The following DSCAML1 variants were observed in gnomAD, a reference collection of about 807,000 sequenced individuals.
DSCAML1 encodes the protein DS cell adhesion molecule like 1, also known as cell adhesion molecule DSCAML1.
A neutral mutation model predicts 200.5 loss-of-function variants in DSCAML1; 38 were observed. The ratio of observed to expected loss-of-function variants is 0.19; its 90% CI spans 0.15 to 0.25. DSCAML1 has a LOEUF of 0.25. Ranked by LOEUF, DSCAML1 falls within the 10% of genes least tolerant of loss-of-function variation. DSCAML1 has a pLI of 1.00. For synonymous variants in DSCAML1, 1,215 were observed against 1,165.0 expected (o/e 1.04, Z -0.87); for missense variants, 2,223 against 2,858.8 (o/e 0.78, Z 5.07).
chr11:117,774,036 G>C (rs73587443), intron 3 of DSCAML1, among the ~76,000 whole-genome samples: 2,185 of 152,288 alleles, frequency 0.014, 45 homozygotes, highest in African/African-American at 0.049. Context: ...GGGGCCGCCT[G>C]GGGGAAGCTC....
Position 117,680,144 on chromosome 11 carries a change from T to A in DSCAML1, c.511+96647A>T, listed in dbSNP as rs77702842. On this transcript the variant is annotated intron_variant, in intron 3 of 32. Coordinates refer to ENST00000651296, the MANE Select transcript of DSCAML1 (RefSeq NM_020693.4). ...GATCTCTAGAGTTCCAGCCTAGCTC[T>A]GCCATCCAGGTTCCTTTCTCTTGCT... 3.3e-3 allele frequency among the ~76,000 whole-genome samples: 503 copies of A among 152,356 alleles called. 2 individuals carry two copies. The highest frequency in any genetic ancestry group is 0.011 in the African/African-American group (444 of 41,582).
At chr11:117,507,445 C>T (rs183771721) in intron 8 of DSCAML1, among the ~76,000 whole-genome samples, 2 of 152,324 alleles carry the variant, frequency 1.3e-5, no homozygotes, top group African/African-American at 4.8e-5. Context: ...AAGGGAGCTG[C>T]CTGCAGGGAG....
At chr11:117,458,008 G>C (rs2048406325) in intron 19 of DSCAML1, among the ~76,000 whole-genome samples, 1 of 152,228 alleles carries the variant, frequency 6.6e-6, no homozygotes, top group Admixed American at 6.5e-5. Flanking sequence ...GTACTGGGAG[G>C]GGAAGAAAGT....
At chr11:117,649,079 G>C (rs1181028388) in intron 3 of DSCAML1, among the ~76,000 whole-genome samples, 1 of 148,878 alleles carries the variant, frequency 6.7e-6, no homozygotes, top group Non-Finnish European at 1.5e-5. Context: ...GTGTGTGTGT[G>C]TGTGTGTGTA....
intron 1 of DSCAML1, among the ~76,000 whole-genome samples, chr11:117,806,230 G>T (rs535336179): frequency 6.6e-6 from 1 of 152,346 alleles, no homozygotes; most frequent in African/African-American, 2.4e-5. Flanking sequence ...TCAGAGAAAG[G>T]AGTGGTCAGT....
At chr11:117,499,606 C>T (rs1033791619) in intron 11 of DSCAML1, among the ~76,000 whole-genome samples, 8 of 152,196 alleles carry the variant, frequency 5.3e-5, no homozygotes, top group African/African-American at 1.4e-4. Flanking sequence ...TAATCTCTGA[C>T]GTTCTGAGAG....
intron 11 of DSCAML1, among the ~76,000 whole-genome samples, chr11:117,491,732 C>T (rs920840564): frequency 3.9e-5 from 6 of 152,186 alleles, no homozygotes; most frequent in Non-Finnish European, 7.3e-5. Flanking sequence ...TGAGGTTGCA[C>T]CACTGCACTC....
At chr11:117,690,008 G>A (rs2053469031) in intron 3 of DSCAML1, among the ~76,000 whole-genome samples, 1 of 152,154 alleles carries the variant, frequency 6.6e-6, no homozygotes. Flanking sequence ...AGGTGTTCTT[G>A]TCCTCTCATC....
chr11:117,668,440 A>G (rs547268345), intron 3 of DSCAML1: 36 of 152,282 alleles, frequency 2.4e-4, no homozygotes, highest in African/African-American at 8.4e-4. Context: ...CGGCATGAGG[A>G]TATGTAAAGG....
intron 3 of DSCAML1, among the ~76,000 whole-genome samples, chr11:117,627,565 C>T (rs1053399248): frequency 1.3e-5 from 2 of 152,168 alleles, no homozygotes; most frequent in Admixed American, 6.5e-5. Context: ...AGTGCCTGGG[C>T]CCCTGCTCTC....
At chr11:117,695,046 T>A (rs1040482304) in intron 3 of DSCAML1, among the ~76,000 whole-genome samples, 1 of 151,998 alleles carries the variant, frequency 6.6e-6, no homozygotes, top group African/African-American at 2.4e-5. Context: ...TTGGCAGCCG[T>A]ATGGTGGATG....
At chr11:117,520,993 G>A (rs1337703585) in intron 6 of DSCAML1, 137 bp downstream of exon 6, 2 of 1,171,300 alleles carry the variant, frequency 1.7e-6, no homozygotes, top group Non-Finnish European at 1.2e-6. Flanking sequence ...GGGCCCTTAG[G>A]GTGAGATGGT....
At chr11:117,448,650 A>G (rs1415361669) in intron 20 of DSCAML1, among the ~76,000 whole-genome samples, 1 of 130,770 alleles carries the variant, frequency 7.6e-6, no homozygotes, top group African/African-American at 2.9e-5. Flanking sequence ...GGGGGTGGGT[A>G]GAGTTGGGGG....
At chr11:117,714,965 A>G (rs991780906) in intron 3 of DSCAML1, among the ~76,000 whole-genome samples, 11 of 151,606 alleles carry the variant, frequency 7.3e-5, no homozygotes, top group Non-Finnish European at 1.2e-4. Context: ...CTTGGTGCCT[A>G]CTCTGCCATC....
At chr11:117,584,104 G>A (rs1288071893) in intron 3 of DSCAML1, among the ~76,000 whole-genome samples, 1 of 151,874 alleles carries the variant, frequency 6.6e-6, no homozygotes, top group Non-Finnish European at 1.5e-5. Flanking sequence ...GGATCCTCGG[G>A]GAACTAAGAA....
At chr11:117,797,363 C>A (rs1681693530), upstream of DSCAML1, 2 of 1,065,736 alleles carry the variant, frequency 1.9e-6, no homozygotes, top group African/African-American at 1.7e-5. Context: ...GCCCCACAAG[C>A]CCAGGAACAG....
At chr11:117,562,539 G>T (rs1203866029) in intron 3 of DSCAML1, among the ~76,000 whole-genome samples, 1 of 152,216 alleles carries the variant, frequency 6.6e-6, no homozygotes, top group Admixed American at 6.5e-5. Flanking sequence ...CTCCTTGGCT[G>T]CAGGGCAAGT....
At chr11:117,486,469 A>AGTGGCGGAT (rs1565731600) in intron 11 of DSCAML1, among the ~76,000 whole-genome samples, 45 of 49,528 alleles carry the variant, frequency 9.1e-4, no homozygotes, top group African/African-American at 4.4e-3. Flanking sequence ...CGGATGTGAA[A>AGTGGCGGAT]ATGGTGGATG....
intron 21 of DSCAML1, among the ~76,000 whole-genome samples, chr11:117,443,677 G>A (rs1322116915): frequency 3.3e-5 from 5 of 152,358 alleles, no homozygotes; most frequent in East Asian, 3.9e-4. Context: ...GGCAAGAGCC[G>A]GAGGCAGCCT....
Sources: gnomAD v4.1 joint callset for allele counts (sites outside exome capture counted in the v4.1 genomes callset) on GRCh38, gnomAD v4.1.1 for gene constraint, MANE v1.5 for transcripts, NCBI Gene and HGNC (gene_info 2026-07-23, HGNC 2026-07-21) for gene names.